PTPRO: variants seen among roughly 807,000 people sequenced by gnomAD.
The protein encoded by PTPRO is receptor-type tyrosine-protein phosphatase O.
Under a neutral mutation model 145.2 loss-of-function variants are expected in PTPRO, and 62 were observed. The ratio of observed to expected loss-of-function variants is 0.43; its 90% CI spans 0.35 to 0.53. The LOEUF is 0.53. Ranked by LOEUF, PTPRO falls within the 20% of genes least tolerant of loss-of-function variation. The probability of loss-of-function intolerance (pLI) is 0.01; values close to 1 mark genes in which losing one functional copy is unlikely to be tolerated. For missense variants in PTPRO, 1,345 were observed against 1,482.7 expected, an observed-to-expected ratio of 0.91 and a Z score of 1.53; for synonymous variants, 565 against 514.7, an observed-to-expected ratio of 1.10 and a Z score of -1.32.
chr12:15,491,899 G>A (rs1171685014), intron 2 of PTPRO, among the ~76,000 whole-genome samples: 1 of 152,176 alleles, frequency 6.6e-6, no homozygotes, highest in Non-Finnish European at 1.5e-5. Flanking sequence ...ACAGGGCACA[G>A]AGCCAGCCTC....
intron 26 of PTPRO, 71 bp downstream of exon 26, chr12:15,595,128 A>G (rs1944633421): frequency 1.0e-6 from 1 of 978,942 alleles, no homozygotes; most frequent in Non-Finnish European, 1.6e-6. Flanking sequence ...TGGATGGGAC[A>G]AAAGACAGCA....
intron 2 of PTPRO, among the ~76,000 whole-genome samples, chr12:15,486,705 T>C (rs951727466): frequency 2.6e-5 from 4 of 152,022 alleles, no homozygotes; most frequent in Non-Finnish European, 4.4e-5. Flanking sequence ...TTTTTTACTT[T>C]CATACATAAA....
chr12:15,565,688 A>T, intron 18 of PTPRO, 60 bp downstream of exon 18: 3 of 1,194,668 alleles, frequency 2.5e-6, no homozygotes, highest in South Asian at 2.5e-5. Flanking sequence ...TTAACGTTCC[A>T]ATTAAAGATT....
intron 22 of PTPRO, among the ~76,000 whole-genome samples, chr12:15,581,097 T>C (rs1419623838): frequency 6.6e-6 from 1 of 152,126 alleles, no homozygotes; most frequent in Non-Finnish European, 1.5e-5. Flanking sequence ...GAAAGTTCAT[T>C]AGCACTAGTA....
At chr12:15,365,441 G>A (rs1938331863) in intron 1 of PTPRO, among the ~76,000 whole-genome samples, 1 of 151,960 alleles carries the variant, frequency 6.6e-6, no homozygotes, top group Non-Finnish European at 1.5e-5. Flanking sequence ...CACAGTAGTA[G>A]CAAAGAAAAT....
intron 15 of PTPRO, among the ~76,000 whole-genome samples, chr12:15,552,109 T>C (rs1423657433): frequency 9.9e-5 from 15 of 151,770 alleles, no homozygotes; most frequent in Admixed American, 9.8e-4. Context: ...TTGGAAAATA[T>C]TTGTACAGTT....
At chr12:15,434,878 T>C (rs1259966093) in intron 1 of PTPRO, among the ~76,000 whole-genome samples, 1 of 152,244 alleles carries the variant, frequency 6.6e-6, no homozygotes, top group Non-Finnish European at 1.5e-5. Context: ...CATTATACTA[T>C]ATCCATAATA....
chr12:15,471,746 C>T (rs1321674702), intron 1 of PTPRO, among the ~76,000 whole-genome samples: 1 of 152,182 alleles, frequency 6.6e-6, no homozygotes, highest in Non-Finnish European at 1.5e-5. Flanking sequence ...CTGATGCATG[C>T]TTGTTGCCCA....
intron 12 of PTPRO, among the ~76,000 whole-genome samples, chr12:15,535,279 A>G (rs1208007106): frequency 6.6e-6 from 1 of 152,150 alleles, no homozygotes; most frequent in Non-Finnish European, 1.5e-5. Flanking sequence ...GTCTGGATGA[A>G]ATCACCAAGT....
chr12:15,540,498 C>T (rs1055668892), intron 12 of PTPRO, among the ~76,000 whole-genome samples: 3 of 152,146 alleles, frequency 2.0e-5, no homozygotes, highest in African/African-American at 7.2e-5. Flanking sequence ...AATGACTCAC[C>T]ACGCTGGTCC....
chr12:15,335,215 A>G (rs7294560), intron 1 of PTPRO, among the ~76,000 whole-genome samples: 26,234 of 152,076 alleles, frequency 0.17, 2,648 homozygotes, highest in South Asian at 0.28. Flanking sequence ...TCTCATTTGA[A>G]TGTACTTAAA....
At chr12:15,488,566 T>A (rs1941938097) in intron 2 of PTPRO, among the ~76,000 whole-genome samples, 1 of 152,238 alleles carries the variant, frequency 6.6e-6, no homozygotes, top group Non-Finnish European at 1.5e-5. Flanking sequence ...CTCACAGAGT[T>A]GACATATTTC....
At chr12:15,568,027 C>T (rs750229173) in intron 18 of PTPRO, among the ~76,000 whole-genome samples, 19 of 152,096 alleles carry the variant, frequency 1.2e-4, no homozygotes, top group African/African-American at 2.4e-4. Context: ...GAAGATATAA[C>T]GCCCTCTAAA....
At chr12:15,365,832 GC>G (rs1248870189) in intron 1 of PTPRO, among the ~76,000 whole-genome samples, 1 of 152,112 alleles carries the variant, frequency 6.6e-6, no homozygotes, top group Admixed American at 6.6e-5. Flanking sequence ...GCACTAAAGG[GC>G]TATGAAGGGC....
At chr12:15,464,176 C>T (rs1941364546) in intron 1 of PTPRO, among the ~76,000 whole-genome samples, 1 of 151,984 alleles carries the variant, frequency 6.6e-6, no homozygotes, top group Admixed American at 6.6e-5. Flanking sequence ...GAATCTTATG[C>T]AGGGAGGAGG....
intron 1 of PTPRO, among the ~76,000 whole-genome samples, chr12:15,349,844 G>T (rs1244062345): frequency 6.6e-6 from 1 of 152,184 alleles, no homozygotes; most frequent in Non-Finnish European, 1.5e-5. Context: ...TTACACGTAG[G>T]ACAAGGGAAA....
In PTPRO at chr12:15,559,257, A is replaced by AC. The variant is rs537819591; in HGVS notation, c.2628-935dup. Among the ~76,000 whole-genome samples the AC allele has an allele frequency of 5.9e-5, 9 of 152,316 alleles. No homozygotes were observed. The South Asian group carries it at 1.9e-3, about 32-fold the overall frequency. On this transcript the variant is annotated intron_variant, in intron 16 of 26. Transcript: ENST00000281171. ...TCAGGATCTTTCTATAAAATCAAGC[A>AC]CATTTTGCAGCTCTTCACAAAGACA... is the stretch of plus-strand genomic sequence containing the variant.
chr12:15,577,418 A>C (rs1345296769), intron 19 of PTPRO, among the ~76,000 whole-genome samples: 1 of 152,352 alleles, frequency 6.6e-6, no homozygotes, highest in East Asian at 1.9e-4. Context: ...TGCTTTGCAA[A>C]GAGCACTTGA....
chr12:15,441,523 T>A (rs1394705801), intron 1 of PTPRO, among the ~76,000 whole-genome samples: 1 of 152,036 alleles, frequency 6.6e-6, no homozygotes, highest in African/African-American at 2.4e-5. Context: ...ATATTGAGAA[T>A]CAAATTGAGA....
Sources: gnomAD v4.1 joint callset for allele counts (sites outside exome capture counted in the v4.1 genomes callset) on GRCh38, gnomAD v4.1.1 for gene constraint, MANE v1.5 for transcripts, NCBI Gene and HGNC (gene_info 2026-07-23, HGNC 2026-07-21) for gene names.